Variants in ZNF609 observed in about 807,000 individuals in gnomAD.
ZNF609 encodes the protein zinc finger protein 609.
A neutral mutation model predicts 109.5 loss-of-function variants in ZNF609; 11 were observed. The observed-to-expected ratio is 0.10, with a 90% CI of 0.06 to 0.17. The LOEUF (loss-of-function observed/expected upper bound fraction) is 0.17. Among genes scored for constraint, ZNF609 ranks in the 10% least tolerant of loss-of-function variants. The pLI, the probability that ZNF609 is intolerant of heterozygous loss-of-function variation, is 1.00. For missense variants in ZNF609, 1,559 were observed against 1,772.4 expected (o/e 0.88, Z 2.16); for synonymous variants, 646 against 662.0 (o/e 0.98, Z 0.37).
intron 1 of ZNF609, among the ~76,000 whole-genome samples, chr15:64,484,406 A>T (rs1893301278): frequency 6.6e-6 from 1 of 152,148 alleles, no homozygotes; most frequent in Admixed American, 6.6e-5. Flanking sequence ...GGCCGGGCAC[A>T]GTGGCTCACG....
intron 3 of ZNF609, among the ~76,000 whole-genome samples, chr15:64,665,902 A>G (rs1336012268): frequency 6.6e-6 from 1 of 151,470 alleles, no homozygotes; most frequent in African/African-American, 2.4e-5. Flanking sequence ...GCAAAACTCC[A>G]TCTCAAAAAT....
At chr15:64,574,031 C>G (rs1392860969) in intron 2 of ZNF609, among the ~76,000 whole-genome samples, 1 of 152,104 alleles carries the variant, frequency 6.6e-6, no homozygotes, top group East Asian at 1.9e-4. Context: ...TCTCACCACA[C>G]CCCGCTCTTG....
intron 2 of ZNF609, among the ~76,000 whole-genome samples, chr15:64,525,007 A>G (rs1893950305): frequency 6.6e-6 from 1 of 152,206 alleles, no homozygotes; most frequent in African/African-American, 2.4e-5. Flanking sequence ...GTTTAATAAT[A>G]GCCATCCTGG....
At chr15:64,474,432 C>T (rs377755017) in intron 1 of ZNF609, among the ~76,000 whole-genome samples, 5 of 151,904 alleles carry the variant, frequency 3.3e-5, no homozygotes, top group Admixed American at 6.6e-5. Flanking sequence ...ATGCTGGTCT[C>T]GAACTCCCGA....
intron 2 of ZNF609, chr15:64,528,866 A>T: frequency 1.1e-6 from 1 of 921,892 alleles, no homozygotes; most frequent in Non-Finnish European, 1.8e-6. Context: ...GATGCTCTTG[A>T]GGGGGCCCTC....
intron 2 of ZNF609, among the ~76,000 whole-genome samples, chr15:64,580,860 C>A (rs1241310355): frequency 6.7e-6 from 1 of 149,310 alleles, no homozygotes; most frequent in African/African-American, 2.5e-5. Flanking sequence ...CTGGGAATAT[C>A]TTAATTTTTC....
chr15:64,636,309 G>A (rs374372410), intron 3 of ZNF609, among the ~76,000 whole-genome samples: 1 of 152,010 alleles, frequency 6.6e-6, no homozygotes, highest in Admixed American at 6.6e-5. Flanking sequence ...TGCCTTCACG[G>A]CCTTCTCCAT....
chr15:64,587,902 A>G lies in ZNF609; in HGVS notation c.748-34925A>G, dbSNP rs77247494. On this transcript the variant is annotated intron_variant, in intron 2 of 9. Coordinates refer to ENST00000326648, the MANE Select transcript of ZNF609 (RefSeq NM_015042.2). ...CAGGCACTGTGGATCACTTGAGGCC[A>G]GGAGTTTGAAATGAGCTTGGCCAGC... Among the ~76,000 whole-genome samples the G allele has an allele frequency of 9.5e-3, 1,447 of 152,072 alleles. 11 individuals are homozygous for G. Among genetic ancestry groups the G allele is most frequent in the Middle Eastern group, 0.02 (6 of 294 alleles).
chr15:64,536,178 A>G (rs1894139942), intron 2 of ZNF609, among the ~76,000 whole-genome samples: 1 of 151,896 alleles, frequency 6.6e-6, no homozygotes, highest in Non-Finnish European at 1.5e-5. Flanking sequence ...ATGCCACTAC[A>G]CCTGGCTAAT....
intron 2 of ZNF609, among the ~76,000 whole-genome samples, chr15:64,525,107 A>G (rs1344586130): frequency 6.6e-6 from 1 of 152,182 alleles, no homozygotes; most frequent in African/African-American, 2.4e-5. Context: ...ATGTGCTTGT[A>G]TATCTTCTTT....
chr15:64,638,034 C>CATATATAT (rs35928856), intron 3 of ZNF609, among the ~76,000 whole-genome samples: 16 of 133,932 alleles, frequency 1.2e-4, no homozygotes, highest in African/African-American at 3.7e-4. Flanking sequence ...TATAAAAATA[C>CATATATAT]ATATATATAT....
At chr15:64,651,631 G>T (rs1383416941) in intron 3 of ZNF609, among the ~76,000 whole-genome samples, 4 of 152,200 alleles carry the variant, frequency 2.6e-5, no homozygotes, top group Admixed American at 6.5e-5. Context: ...CAGTGTGGGG[G>T]TTCCCCAGCC....
At chr15:64,494,681 T>C (rs8042106) in intron 1 of ZNF609, among the ~76,000 whole-genome samples, 6 of 152,002 alleles carry the variant, frequency 3.9e-5, no homozygotes, top group Non-Finnish European at 5.9e-5. Flanking sequence ...CCCGCTACCA[T>C]GCCTGGCTAA....
chr15:64,511,370 A>G (rs960826206), intron 2 of ZNF609, among the ~76,000 whole-genome samples: 3 of 151,426 alleles, frequency 2.0e-5, no homozygotes, highest in African/African-American at 2.4e-5. Context: ...AATCCCAGCT[A>G]CTTGGGAGGT....
chr15:64,643,642 G>A (rs1896292757), intron 3 of ZNF609: 1 of 152,138 alleles, frequency 6.6e-6, no homozygotes, highest in Non-Finnish European at 1.5e-5. Flanking sequence ...AACTTCTAGA[G>A]AATAGGACCA....
chr15:64,669,742 A>T (rs1446722055), intron 3 of ZNF609, among the ~76,000 whole-genome samples: 1 of 152,028 alleles, frequency 6.6e-6, no homozygotes, highest in African/African-American at 2.4e-5. Flanking sequence ...ATCTTGGCTC[A>T]CTGCAAACTC....
In ZNF609 at chr15:64,483,373, C is replaced by T. The variant is rs575496167; in HGVS notation, c.-127-15920C>T. On this transcript the variant is annotated intron_variant, in intron 1 of 9. Transcript: ENST00000326648. ...CCTCCCAAAGTGCTGGGATTACAGGCGTGAGCCACCAAGCCTGGCCTCTTT... is the reference window on the plus strand; with the variant it reads ...CCTCCCAAAGTGCTGGGATTACAGGTGTGAGCCACCAAGCCTGGCCTCTTT... 6.6e-5 allele frequency among the ~76,000 whole-genome samples: 10 copies of T among 152,036 alleles called. No individual in the cohort carries two copies. The South Asian group carries it at 1.9e-3, about 28-fold the overall frequency.
At chr15:64,589,937 T>C (rs1236936424) in intron 2 of ZNF609, among the ~76,000 whole-genome samples, 1 of 152,270 alleles carries the variant, frequency 6.6e-6, no homozygotes. Flanking sequence ...TTGAGACTAA[T>C]GGATACTGGT....
chr15:64,577,012 G>A (rs9745114), intron 2 of ZNF609, among the ~76,000 whole-genome samples: 89,509 of 96,086 alleles, frequency 0.93, 41,883 homozygotes, highest in East Asian at 0.99. Context: ...ATATATGTAT[G>A]TATACACATA....
Sources: allele counts gnomAD v4.1 joint callset (sites outside exome capture counted in the v4.1 genomes callset), GRCh38; gene constraint gnomAD v4.1.1; transcripts MANE v1.5; gene names NCBI Gene and HGNC (gene_info 2026-07-23, HGNC 2026-07-21).